TENM3: variants seen among roughly 807,000 people sequenced by gnomAD.
TENM3 encodes teneurin-3.
TENM3 carries 63 observed loss-of-function variants against 255.1 expected under a neutral mutation model. The ratio of observed to expected loss-of-function variants is 0.25; its 90% CI spans 0.20 to 0.30. The LOEUF is 0.30. Ranked by LOEUF, TENM3 falls within the 10% of genes least tolerant of loss-of-function variation. The pLI is 1.00. For synonymous variants in TENM3, 1,306 were observed against 1,322.3 expected (o/e 0.99, Z 0.27); for missense variants, 2,929 against 3,461.1 (o/e 0.85, Z 3.86).
intron 3 of TENM3, among the ~76,000 whole-genome samples, chr4:182,443,685 T>C (rs1269679283): frequency 6.6e-6 from 1 of 152,068 alleles, no homozygotes; most frequent in Non-Finnish European, 1.5e-5. Flanking sequence ...ATACAGCACA[T>C]TGCTTGACTG....
chr4:182,487,071 G>A (rs1734819584), intron 3 of TENM3, among the ~76,000 whole-genome samples: 1 of 152,118 alleles, frequency 6.6e-6, no homozygotes, highest in Non-Finnish European at 1.5e-5. Context: ...TGTTAAAGGA[G>A]CTCCACAGCG....
At chr4:182,475,834 A>G (rs1300227739) in intron 3 of TENM3, among the ~76,000 whole-genome samples, 1 of 151,556 alleles carries the variant, frequency 6.6e-6, no homozygotes, top group African/African-American at 2.4e-5. Flanking sequence ...TCTTTATTGG[A>G]TAAATAATAA....
chr4:182,304,182 T>G, intron 1 of TENM3, among the ~76,000 whole-genome samples: 1 of 152,002 alleles, frequency 6.6e-6, no homozygotes, highest in Non-Finnish European at 1.5e-5. Flanking sequence ...GGAGATGCCC[T>G]GAAGACAATA....
In TENM3 at chr4:182,282,839, G is replaced by A. The variant is rs1024427893; in HGVS notation, c.-76+39363G>A. ...ACCCAGGAGACAAAGGTTGTGGTGA[G>A]CCAAAATCATGCCACTGCACTCCAG... On this transcript the variant is annotated intron_variant, in intron 1 of 27. Coordinates refer to ENST00000511685, the MANE Select transcript of TENM3 (RefSeq NM_001080477.4). Among the ~76,000 whole-genome samples, 57 of 145,754 alleles carry A rather than the reference G, an allele frequency of 3.9e-4. 3 individuals are homozygous for A.
intron 4 of TENM3, among the ~76,000 whole-genome samples, chr4:182,612,033 C>T (rs548382943): frequency 6.6e-6 from 1 of 152,022 alleles, no homozygotes; most frequent in Admixed American, 6.5e-5. Flanking sequence ...TTTGGGAGGT[C>T]AAGGTGGGCA....
At chr4:181,662,454 T>G in the TENM3 span, among the ~76,000 whole-genome samples, 2 of 152,236 alleles carry the variant, frequency 1.3e-5, no homozygotes, top group African/African-American at 4.8e-5. Flanking sequence ...ATCATCATAT[T>G]AGTCTATTAC....
At chr4:181,805,751 C>A in the TENM3 span, among the ~76,000 whole-genome samples, 2 of 152,204 alleles carry the variant, frequency 1.3e-5, no homozygotes, top group South Asian at 4.1e-4. Flanking sequence ...AATATGGGGG[C>A]TTAATTCTGA....
chr4:182,701,578 T>C (rs896827072), intron 12 of TENM3, among the ~76,000 whole-genome samples: 6 of 152,106 alleles, frequency 3.9e-5, no homozygotes, highest in African/African-American at 1.2e-4. Context: ...AGTAATCCAC[T>C]GCAATACATT....
At position 182,729,147 on chromosome 4, in the gene TENM3, C is replaced by A; in HGVS notation, c.2551C>A (p.His851Asn). The A allele has an allele frequency of 6.2e-7, 1 of 1,613,962 alleles. No individual in the cohort carries two copies. Among genetic ancestry groups the A allele is most frequent in the Non-Finnish European group, 8.5e-7 (1 of 1,179,886 alleles). ...TTTCCTTATAGGATCTGATAGCACC[C>A]ATGTTATACCTGGAGAAAGTCCTTT... ...ISFLIGSDST[H>N]VIPGESPFNK... The change falls in exon 14 of 28, where the codon CAT (histidine) becomes AAT (asparagine). Residue 851 changes from histidine (H) to asparagine (N), a missense_variant. His to Asn is a moderately conservative substitution (Grantham distance 68). Transcript: ENST00000511685.
chr4:181,638,359 G>T, the TENM3 span, among the ~76,000 whole-genome samples: 3 of 152,348 alleles, frequency 2.0e-5, no homozygotes, highest in East Asian at 3.9e-4. Flanking sequence ...AGATAAGGCC[G>T]TGAAAGTTGT....
intron 3 of TENM3, among the ~76,000 whole-genome samples, chr4:182,406,449 G>T (rs1769587281): frequency 6.6e-6 from 1 of 152,180 alleles, no homozygotes; most frequent in African/African-American, 2.4e-5. Context: ...GTCAGCATTG[G>T]TAACTAATTG....
chr4:182,346,532 GA>G (rs1304383036), intron 2 of TENM3, 118 bp from the exon 3 acceptor site: 7 of 975,512 alleles, frequency 7.2e-6, no homozygotes, highest in East Asian at 5.3e-5. Context: ...GCTGATCGCT[GA>G]AAAGCCTAAA....
the TENM3 span, among the ~76,000 whole-genome samples, chr4:181,942,930 C>A: frequency 7.8e-4 from 119 of 152,216 alleles, no homozygotes; most frequent in African/African-American, 2.8e-3. Context: ...TATATTCATA[C>A]CTTTGATAAT....
At chr4:182,315,296 T>C (rs1561311606) in intron 1 of TENM3, among the ~76,000 whole-genome samples, 4 of 152,354 alleles carry the variant, frequency 2.6e-5, no homozygotes, top group African/African-American at 9.6e-5. Context: ...GGGCTTCCTT[T>C]ACATTTTTTT....
At chr4:182,601,415 A>G (rs980405560) in intron 4 of TENM3, among the ~76,000 whole-genome samples, 3 of 150,244 alleles carry the variant, frequency 2.0e-5, no homozygotes, top group African/African-American at 7.3e-5. Flanking sequence ...TTCCCTTACC[A>G]CTGTTTGTTT....
intron 1 of TENM3, among the ~76,000 whole-genome samples, chr4:182,252,801 A>T (rs977948348): frequency 2.0e-4 from 30 of 152,228 alleles, no homozygotes; most frequent in Non-Finnish European, 3.5e-4. Context: ...CAGGAGCTTC[A>T]CCGTGTGTCT....
the TENM3 span, among the ~76,000 whole-genome samples, chr4:181,878,539 A>T: frequency 6.6e-6 from 1 of 152,100 alleles, no homozygotes; most frequent in Non-Finnish European, 1.5e-5. Flanking sequence ...TTGATTCTTT[A>T]TTTCCACACT....
At position 182,232,443 on chromosome 4, in the gene TENM3, C is replaced by T. The variant is rs150034419; in HGVS notation, c.-76+87689C>T. ...TGTCCAGACATTAAAGACATATATA[C>T]GGACAAACGCGTTGGCTCACACCTG... On this transcript the variant is annotated intron_variant, in intron 1 of 2. Coordinates refer to the TENM3 transcript ENST00000512480. Among the ~76,000 whole-genome samples, 85 of 152,266 alleles carry T rather than the reference C, an allele frequency of 5.6e-4. 1 individual carries two copies. The highest frequency in any genetic ancestry group is 3.4e-3 in the Middle Eastern group (1 of 294).
Position 182,168,139 on chromosome 4 carries a change from CT to C in TENM3, c.-76+23397del, listed in dbSNP as rs920676576. On this transcript the variant is annotated intron_variant, in intron 1 of 2. Transcript: ENST00000512480. ...TTTAATCACATATATATTTTCTTTT[CT>C]TTTTTTTTTTTCGAGACAGGGTCTC... 4.6e-4 allele frequency among the ~76,000 whole-genome samples: 67 copies of C among 145,020 alleles called. 1 individual carries two copies. The highest frequency in any genetic ancestry group is 6.0e-4 in the East Asian group (3 of 5,004).
Sources: gnomAD v4.1 joint callset for allele counts (sites outside exome capture counted in the v4.1 genomes callset) on GRCh38, gnomAD v4.1.1 for gene constraint, MANE v1.5 for transcripts, NCBI Gene and HGNC (gene_info 2026-07-23, HGNC 2026-07-21) for gene names.